ATP6V0E1: variants seen among roughly 807,000 people sequenced by gnomAD.
The protein encoded by ATP6V0E1 is V-type proton ATPase subunit e 1.
A neutral mutation model predicts 11.6 loss-of-function variants in ATP6V0E1; 4 were observed. The ratio of observed to expected loss-of-function variants is 0.35; its 90% CI spans 0.17 to 0.79. The LOEUF (loss-of-function observed/expected upper bound fraction) is 0.79, where lower values mean the gene tolerates loss of function less well. Ranked by LOEUF, ATP6V0E1 falls within the 30% of genes least tolerant of loss-of-function variation. The pLI is 0.54. For missense variants in ATP6V0E1, 105 were observed against 100.0 expected, an observed-to-expected ratio of 1.05 and a Z score of -0.21; for synonymous variants, 36 against 34.8, an observed-to-expected ratio of 1.04 and a Z score of -0.13.
chr5:173,004,858 T>G (rs1756207033), intron 2 of ATP6V0E1, among the ~76,000 whole-genome samples: 1 of 152,190 alleles, frequency 6.6e-6, no homozygotes. Context: ...TGTTTTGTTT[T>G]GCTTTGTTTT....
chr5:173,013,940 G>A (rs1244139754), intron 2 of ATP6V0E1, among the ~76,000 whole-genome samples: 2 of 152,116 alleles, frequency 1.3e-5, no homozygotes, highest in Non-Finnish European at 2.9e-5. Context: ...GATCATCTGA[G>A]ATTAGGAGTT....
chr5:172,997,839 G>C lies in ATP6V0E1; in HGVS notation c.152+3017G>C, dbSNP rs181904320. On this transcript the variant is annotated intron_variant, in intron 2 of 3. Transcript: ENST00000519374. ...AAAAAAAAAAAAAAAGTTCTAGGCCGGGCATGGTGGCTCACGCCTGTAATC... is the reference window on the plus strand; with the variant it reads ...AAAAAAAAAAAAAAAGTTCTAGGCCCGGCATGGTGGCTCACGCCTGTAATC... Among the ~76,000 whole-genome samples the C allele has an allele frequency of 6.6e-3, 929 of 141,512 alleles. 7 individuals carry two copies. The highest frequency in any genetic ancestry group is 0.033 in the South Asian group (149 of 4,450). 92.8% of individuals were successfully genotyped at this position (141,512 alleles called of 152,430 possible).
intron 1 of ATP6V0E1, among the ~76,000 whole-genome samples, chr5:172,988,831 G>A (rs1394074251): frequency 2.0e-5 from 3 of 152,150 alleles, no homozygotes; most frequent in African/African-American, 4.8e-5. Flanking sequence ...TCGGACTACA[G>A]GCGCACGTCA....
intron 2 of ATP6V0E1, among the ~76,000 whole-genome samples, chr5:173,003,042 G>A (rs925964323): frequency 6.6e-6 from 1 of 152,028 alleles, no homozygotes; most frequent in Non-Finnish European, 1.5e-5. Context: ...TTTTTTTTAA[G>A]TAGCTTGGAA....
chr5:173,034,744 A>C lies in ATP6V0E1; in HGVS notation c.*382A>C. 1 of 344,102 alleles carries C rather than the reference A, an allele frequency of 2.9e-6. No individual in the cohort carries two copies. The highest frequency in any genetic ancestry group is 5.5e-6 in the Non-Finnish European group (1 of 183,456). The allele number at this position is 344,102 out of a possible 1,614,324, so 21.3% of individuals were successfully genotyped here. On this transcript the variant is annotated 3_prime_UTR_variant, in exon 4 of 4. Coordinates refer to ENST00000519374, the MANE Select transcript of ATP6V0E1 (RefSeq NM_003945.4). Reference sequence around the variant, plus strand: ...TGAAGTGTTTAGAAACTGCTGCAAGACAAACAAGACTCCAGTGGGGTGGTC... The same window carrying C: ...TGAAGTGTTTAGAAACTGCTGCAAGCCAAACAAGACTCCAGTGGGGTGGTC...
At chr5:173,006,300 G>C (rs1756229000) in intron 2 of ATP6V0E1, among the ~76,000 whole-genome samples, 1 of 152,038 alleles carries the variant, frequency 6.6e-6, no homozygotes, top group Admixed American at 6.6e-5. Flanking sequence ...TTTTTGGAGG[G>C]GGTGAAGGTT....
At chr5:172,985,670 T>C (rs1304196426) in intron 1 of ATP6V0E1, among the ~76,000 whole-genome samples, 1 of 152,216 alleles carries the variant, frequency 6.6e-6, no homozygotes, top group Non-Finnish European at 1.5e-5. Context: ...GCACTGACAA[T>C]TCCTTTCTTA....
In ATP6V0E1 at chr5:172,984,144, C is replaced by T. The variant is rs537729035; in HGVS notation, c.104+180C>T. 2.0e-5 allele frequency among the ~76,000 whole-genome samples: 3 copies of T among 152,244 alleles called. No individual in the cohort carries two copies. In the South Asian group the frequency reaches 6.2e-4, roughly 32 times the overall value. The stretch of plus-strand genomic sequence containing the variant: ...TTCCTTTTCGCAGCAGCTTCAGTGT[C>T]CTCCGGCCTGAGCGAGTGGAGGGTG... On this transcript the variant is annotated intron_variant, in intron 1 of 3. Coordinates refer to ENST00000519374, the MANE Select transcript of ATP6V0E1 (RefSeq NM_003945.4).
chr5:173,026,959 G>A (rs945201784), intron 3 of ATP6V0E1, among the ~76,000 whole-genome samples: 2 of 151,690 alleles, frequency 1.3e-5, no homozygotes, highest in African/African-American at 4.8e-5. Flanking sequence ...GGCGGATCAC[G>A]AGGTCAGGAG....
chr5:173,030,339 G>A (rs1038241501), intron 3 of ATP6V0E1, among the ~76,000 whole-genome samples: 19 of 151,960 alleles, frequency 1.3e-4, no homozygotes, highest in Non-Finnish European at 2.5e-4. Context: ...TAAAAATTAA[G>A]CCTAATATAT....
At chr5:173,007,934 G>A (rs968401269) in intron 2 of ATP6V0E1, among the ~76,000 whole-genome samples, 1 of 152,220 alleles carries the variant, frequency 6.6e-6, no homozygotes, top group Non-Finnish European at 1.5e-5. Context: ...ATGTATGCCG[G>A]GCAGGGGCTT....
At chr5:173,022,103 G>T (rs115216893) in intron 3 of ATP6V0E1, among the ~76,000 whole-genome samples, 3,301 of 152,328 alleles carry the variant, frequency 0.022, 52 homozygotes, top group Non-Finnish European at 0.036. Context: ...GTTAGTAGTG[G>T]TATAGTGGAA....
chr5:172,996,866 T>C (rs767094535), intron 2 of ATP6V0E1, among the ~76,000 whole-genome samples: 2 of 151,884 alleles, frequency 1.3e-5, no homozygotes, highest in Non-Finnish European at 2.9e-5. Context: ...TACTTTTCTT[T>C]AAACAATTGC....
At chr5:172,993,687 C>CG (rs573299656) in intron 1 of ATP6V0E1, among the ~76,000 whole-genome samples, 2 of 126,504 alleles carry the variant, frequency 1.6e-5, no homozygotes, top group Admixed American at 7.9e-5. Context: ...AGACCCCCCC[C>CG]CCCGACCCCA....
intron 1 of ATP6V0E1, among the ~76,000 whole-genome samples, chr5:172,991,833 ACTGCTTTCT>A (rs1403288073): frequency 3.3e-5 from 5 of 152,132 alleles, no homozygotes; most frequent in Non-Finnish European, 7.4e-5. Context: ...ATTCCTCTCA[ACTGCTTTCT>A]CTGCTTTCTT....
chr5:173,006,504 G>A (rs1480064744), intron 2 of ATP6V0E1, among the ~76,000 whole-genome samples: 2 of 152,286 alleles, frequency 1.3e-5, no homozygotes, highest in South Asian at 4.1e-4. Flanking sequence ...CAGCGACTCG[G>A]GAGGCTGAGG....
At chr5:172,999,569 T>C (rs945345093) in intron 2 of ATP6V0E1, among the ~76,000 whole-genome samples, 9 of 152,320 alleles carry the variant, frequency 5.9e-5, no homozygotes, top group African/African-American at 2.2e-4. Flanking sequence ...TCAAGCAGTC[T>C]TCTCACCTCA....
In ATP6V0E1 at chr5:173,021,796, C is replaced by G. The variant is rs113372001; in HGVS notation, c.*36+1429C>G. 9.5e-3 allele frequency among the ~76,000 whole-genome samples: 1,451 copies of G among 152,302 alleles called. 30 individuals are homozygous for G. The highest frequency in any genetic ancestry group is 0.033 in the African/African-American group (1,374 of 41,562). The stretch of plus-strand genomic sequence containing the variant: ...GTGCGCGGTGGCTCACGCCTGTAAT[C>G]CCAGCACTTTGGGAGGCTGAGGCAG... On this transcript the variant is annotated intron_variant, in intron 3 of 3. Coordinates refer to ENST00000519374, the MANE Select transcript of ATP6V0E1 (RefSeq NM_003945.4).
intron 3 of ATP6V0E1, 151 bp from the exon 4 acceptor site, chr5:173,034,248 A>G: frequency 1.5e-6 from 1 of 647,914 alleles, no homozygotes; most frequent in South Asian, 1.7e-5. Flanking sequence ...AACCTGGCCA[A>G]ACTTGCACCA....
Sources: allele counts gnomAD v4.1 joint callset (sites outside exome capture counted in the v4.1 genomes callset), GRCh38; gene constraint gnomAD v4.1.1; transcripts MANE v1.5; gene names NCBI Gene and HGNC (gene_info 2026-07-23, HGNC 2026-07-21).